The following DYM variants were observed in gnomAD, a reference collection of about 807,000 sequenced individuals.
DYM encodes dymeclin.
DYM carries 78 observed loss-of-function variants against 93.1 expected under a neutral mutation model. The observed-to-expected ratio is 0.84, with a 90% confidence interval of 0.70 to 1.01. The LOEUF (loss-of-function observed/expected upper bound fraction) is 1.01, where lower values mean the gene tolerates loss of function less well. Among genes scored for constraint, DYM ranks in the 50% least tolerant of loss-of-function variants. The pLI is 0.00. For missense variants in DYM, 789 were observed against 845.0 expected (o/e 0.93, Z 0.82); for synonymous variants, 321 against 319.7 (o/e 1.00, Z -0.04).
intron 13 of DYM, among the ~76,000 whole-genome samples, chr18:49,240,643 A>AT (rs112555588): frequency 0.014 from 2,186 of 152,110 alleles, 54 homozygotes; most frequent in African/African-American, 0.049. Context: ...TGACTTGAAA[A>AT]TTTTTTTTAT....
At chr18:49,226,777 G>A (rs193033236) in intron 13 of DYM, among the ~76,000 whole-genome samples, 8 of 152,220 alleles carry the variant, frequency 5.3e-5, no homozygotes, top group African/African-American at 1.9e-4. Context: ...GATGGACAGA[G>A]CACACATTAA....
chr18:49,323,204 TAAC>T (rs1354227660), intron 8 of DYM, among the ~76,000 whole-genome samples: 1 of 152,134 alleles, frequency 6.6e-6, no homozygotes, highest in African/African-American at 2.4e-5. Flanking sequence ...AAACAAAACA[TAAC>T]AAAAAAACAA....
chr18:49,226,575 A>C (rs1437346205), intron 13 of DYM, among the ~76,000 whole-genome samples: 1 of 152,180 alleles, frequency 6.6e-6, no homozygotes, highest in Admixed American at 6.5e-5. Context: ...AAATGCAGAC[A>C]TTCATTTGAA....
At chr18:49,252,358 C>G (rs553405667) in intron 13 of DYM, among the ~76,000 whole-genome samples, 3 of 151,580 alleles carry the variant, frequency 2.0e-5, no homozygotes, top group African/African-American at 7.3e-5. Context: ...AGGAGAAGCA[C>G]GGCACCTTCT....
chr18:49,099,095 A>C (rs2079858745), intron 16 of DYM, among the ~76,000 whole-genome samples: 1 of 152,208 alleles, frequency 6.6e-6, no homozygotes, highest in African/African-American at 2.4e-5. Context: ...TTCTTTGACC[A>C]AAAAATATTT....
At chr18:49,088,712 A>T (rs979778620) in intron 17 of DYM, among the ~76,000 whole-genome samples, 2 of 152,228 alleles carry the variant, frequency 1.3e-5, no homozygotes, top group African/African-American at 4.8e-5. Flanking sequence ...GCTTTCAGTT[A>T]CACAAATTGG....
chr18:49,383,320 A>G (rs934659096), intron 3 of DYM, among the ~76,000 whole-genome samples: 4 of 152,174 alleles, frequency 2.6e-5, no homozygotes, highest in African/African-American at 9.7e-5. Context: ...AGAGATACAT[A>G]TTCGGCCTGG....
At chr18:49,348,774 T>C (rs1304096995) in intron 6 of DYM, among the ~76,000 whole-genome samples, 1 of 151,466 alleles carries the variant, frequency 6.6e-6, no homozygotes, top group South Asian at 2.1e-4. Context: ...CTGGGCATGG[T>C]GGTGCACACC....
chr18:49,203,777 T>C (rs1419712619), intron 14 of DYM, among the ~76,000 whole-genome samples: 7 of 136,646 alleles, frequency 5.1e-5, no homozygotes, highest in African/African-American at 2.0e-4. Context: ...GTTTATCTGC[T>C]GACCTTCCCT....
intron 13 of DYM, among the ~76,000 whole-genome samples, chr18:49,216,926 G>A (rs1162557439): frequency 2.0e-5 from 3 of 152,216 alleles, no homozygotes; most frequent in Admixed American, 6.5e-5. Flanking sequence ...CGAGTGGAGA[G>A]AAGAAGACTT....
intron 3 of DYM, among the ~76,000 whole-genome samples, chr18:49,386,837 C>T (rs536403253): frequency 2.6e-5 from 4 of 152,152 alleles, no homozygotes; most frequent in Non-Finnish European, 5.9e-5. Context: ...TTGTGGCAAC[C>T]TTGCAGTGAG....
intron 17 of DYM, among the ~76,000 whole-genome samples, chr18:49,055,482 A>G (rs897757089): frequency 1.3e-5 from 2 of 152,212 alleles, no homozygotes; most frequent in African/African-American, 4.8e-5. Flanking sequence ...TGGGAGAAGG[A>G]GAATATTTTG....
At chr18:49,350,716 G>GA (rs2065034655) in intron 6 of DYM, among the ~76,000 whole-genome samples, 5 of 54,782 alleles carry the variant, frequency 9.1e-5, no homozygotes, top group South Asian at 5.6e-4. Context: ...AAGAAAAAAA[G>GA]AAAAAAAAAG....
chr18:49,224,234 A>G (rs1382736114), intron 13 of DYM, among the ~76,000 whole-genome samples: 1 of 152,078 alleles, frequency 6.6e-6, no homozygotes, highest in Non-Finnish European at 1.5e-5. Flanking sequence ...AAGAGGATCA[A>G]AAGACTCTGG....
chr18:49,334,119 T>G (rs527759882), intron 6 of DYM, among the ~76,000 whole-genome samples: 1 of 152,242 alleles, frequency 6.6e-6, no homozygotes, highest in South Asian at 2.1e-4. Context: ...AGTCTATTTA[T>G]GTATAATGGA....
intron 2 of DYM, among the ~76,000 whole-genome samples, chr18:49,405,707 T>C (rs1468941624): frequency 6.6e-6 from 1 of 152,232 alleles, no homozygotes; most frequent in Admixed American, 6.5e-5. Context: ...GTTTTGGCTA[T>C]TCAAGCTCTT....
At chr18:49,118,972 T>C (rs1449126239) in intron 15 of DYM, 46 bp from the exon 16 acceptor site, 8 of 1,526,738 alleles carry the variant, frequency 5.2e-6, no homozygotes, top group African/African-American at 1.4e-5. Context: ...CTTTTCCTCC[T>C]TGCAACAGAA....
intron 4 of DYM, among the ~76,000 whole-genome samples, 157 bp downstream of exon 4, chr18:49,379,508 A>T (rs1026804388): frequency 1.3e-5 from 2 of 152,188 alleles, no homozygotes; most frequent in African/African-American, 2.4e-5. Flanking sequence ...AGTGACTTAG[A>T]CACTAACCTA....
At chr18:49,322,455 T>C (rs1282796575) in intron 8 of DYM, among the ~76,000 whole-genome samples, 1 of 151,808 alleles carries the variant, frequency 6.6e-6, no homozygotes, top group East Asian at 1.9e-4. Context: ...TGGAGAAAAA[T>C]ATATTAAAAG....
Sources: gnomAD v4.1 joint callset for allele counts (sites outside exome capture counted in the v4.1 genomes callset) on GRCh38, gnomAD v4.1.1 for gene constraint, MANE v1.5 for transcripts, NCBI Gene and HGNC (gene_info 2026-07-23, HGNC 2026-07-21) for gene names.